PARP4: variants seen among roughly 807,000 people sequenced by gnomAD.
PARP4 encodes the protein protein mono-ADP-ribosyltransferase PARP4.
PARP4 carries 120 observed loss-of-function variants against 187.7 expected under a neutral mutation model. The observed-to-expected ratio is 0.64, with a 90% CI of 0.55 to 0.74. The LOEUF is 0.74. Among genes scored for constraint, PARP4 ranks in the 30% least tolerant of loss-of-function variants. The probability of loss-of-function intolerance (pLI) is 0.00; values close to 1 mark genes in which losing one functional copy is unlikely to be tolerated. For synonymous variants in PARP4, 654 were observed against 740.9 expected, an observed-to-expected ratio of 0.88 and a Z score of 1.90; for missense variants, 1,836 against 2,070.5, an observed-to-expected ratio of 0.89 and a Z score of 2.20.
chr13:24,480,111 G>GT (rs1420364226), intron 12 of PARP4, among the ~76,000 whole-genome samples: 1 of 152,236 alleles, frequency 6.6e-6, no homozygotes, highest in Non-Finnish European at 1.5e-5. Context: ...TTTAGGAACT[G>GT]TAACACTCAC....
rs1201373954 is a variant in PARP4, at chr13:24,501,428, C to T, written c.334+205G>A. On this transcript the variant is annotated intron_variant, in intron 3 of 33. Coordinates refer to ENST00000381989, the MANE Select transcript of PARP4 (RefSeq NM_006437.4). ...GTTTTGTGGCCATTTTGAGTCTGACCCTACTAGGCTAGATATCAAGAAATC... is the reference window on the plus strand; with the variant it reads ...GTTTTGTGGCCATTTTGAGTCTGACTCTACTAGGCTAGATATCAAGAAATC... Among the ~76,000 whole-genome samples the T allele has an allele frequency of 2.0e-5, 3 of 152,128 alleles. No individual in the cohort carries two copies. In the East Asian group the frequency reaches 5.8e-4, roughly 29 times the overall value.
intron 1 of PARP4, among the ~76,000 whole-genome samples, chr13:24,506,547 A>T (rs1339437190): frequency 6.6e-6 from 1 of 152,148 alleles, no homozygotes; most frequent in Non-Finnish European, 1.5e-5. Flanking sequence ...TCCCTGAGCT[A>T]GACACAAGTT....
At chr13:24,486,567 A>C (rs1424435600) in intron 10 of PARP4, among the ~76,000 whole-genome samples, 2 of 152,230 alleles carry the variant, frequency 1.3e-5, no homozygotes, top group Middle Eastern at 6.3e-3. Flanking sequence ...GTATTATCCC[A>C]ATTTTGTCAA....
At chr13:24,458,333 T>G (rs1265580210) in intron 20 of PARP4, among the ~76,000 whole-genome samples, 2 of 151,818 alleles carry the variant, frequency 1.3e-5, no homozygotes, top group East Asian at 3.9e-4. Context: ...ATGGTCTCGA[T>G]CTCCTGACCT....
chr13:24,501,522 TA>T, intron 3 of PARP4, 110 bp downstream of exon 3: 3 of 733,718 alleles, frequency 4.1e-6, no homozygotes, highest in Non-Finnish European at 7.0e-6. Context: ...GTAATAAGTC[TA>T]ATTTTTTTTT....
intron 4 of PARP4, 116 bp downstream of exon 4, chr13:24,500,200 C>A: frequency 2.0e-6 from 1 of 501,418 alleles, no homozygotes; most frequent in South Asian, 4.4e-5. Context: ...GTTAGATATG[C>A]AAAATAAATT....
intron 6 of PARP4, among the ~76,000 whole-genome samples, chr13:24,496,532 G>GCTACA (rs1566019202): frequency 4.6e-5 from 7 of 152,172 alleles, no homozygotes; most frequent in African/African-American, 1.7e-4. Flanking sequence ...TCTGGAACCC[G>GCTACA]AGACAATGCT....
At chr13:24,509,945 C>G (rs752986064) in intron 1 of PARP4, among the ~76,000 whole-genome samples, 33 of 152,124 alleles carry the variant, frequency 2.2e-4, no homozygotes, top group Non-Finnish European at 3.5e-4. Flanking sequence ...AGTGATCTGC[C>G]CACCTCTGCC....
chr13:24,434,461 T>TC lies in PARP4; in HGVS notation c.4679_4680insG (p.Ile1561AsnfsTer39). On this transcript the variant is annotated frameshift_variant, in exon 31 of 34. Transcript: ENST00000381989. LOFTEE classifies it high-confidence loss of function. ...CCTGCCAGTGTTGTATGCACACTAT[T>TC]TCATCCTCTTCTTTTACTTCCAGAA... 1 of 1,610,614 alleles carries TC rather than the reference T, an allele frequency of 6.2e-7. No individual in the cohort carries two copies. The highest frequency in any genetic ancestry group is 8.5e-7 in the Non-Finnish European group (1 of 1,177,674).
In PARP4 at chr13:24,452,427, C is replaced by G. The variant is rs1871570550; in HGVS notation, c.2993G>C (p.Arg998Thr). 1 of 1,613,424 alleles carries G rather than the reference C, an allele frequency of 6.2e-7. No homozygotes were observed. Among genetic ancestry groups the G allele is most frequent in the Non-Finnish European group, 8.5e-7 (1 of 1,179,838 alleles). The change falls in exon 24 of 34, where the codon AGG becomes ACG. Residue 998 changes from arginine to threonine, a missense_variant. Physicochemically the swap from Arg to Thr is moderately conservative, Grantham distance 71 (BLOSUM62 -1). Coordinates refer to ENST00000381989, the MANE Select transcript of PARP4 (RefSeq NM_006437.4). ...TCACCCGATACCGCAGGCGAATAACCTGGTGTGCGGGCGGCTCCTCTTCAC... is the reference window on the plus strand; with the variant it reads ...TCACCCGATACCGCAGGCGAATAACGTGGTGTGCGGGCGGCTCCTCTTCAC... The part of the protein sequence containing the change: ...QLVKRSRPHT[R>T]LFACGIGSTA...
In PARP4 at chr13:24,503,745, A is replaced by T. The variant is rs1869443569; in HGVS notation, c.32T>A (p.Phe11Tyr). 1.9e-6 allele frequency: 3 copies of T among 1,614,028 alleles called. No individual in the cohort carries two copies. Among genetic ancestry groups the T allele is most frequent in the African/African-American group, 2.7e-5 (2 of 74,942 alleles). Residue 11 changes from phenylalanine to tyrosine, a missense_variant, in exon 2 of 34, where the codon TTC (phenylalanine) becomes TAC (tyrosine). Transcript: ENST00000381989. MVMGIFANCI[F>Y]CLKVKYLPQQ... Reference sequence around the variant, plus strand: ...AGGTAAGTACTTCACTTTCAAACAGAAGATACAATTTGCAAAGATTCCCAT... The same window carrying T: ...AGGTAAGTACTTCACTTTCAAACAGTAGATACAATTTGCAAAGATTCCCAT...
At chr13:24,468,131 T>C (rs996754387) in intron 17 of PARP4, among the ~76,000 whole-genome samples, 2 of 152,116 alleles carry the variant, frequency 1.3e-5, no homozygotes, top group African/African-American at 4.8e-5. Flanking sequence ...ATAACTAAAA[T>C]ACCTGCACTA....
intron 33 of PARP4, among the ~76,000 whole-genome samples, chr13:24,424,083 C>T (rs1463609897): frequency 6.6e-6 from 1 of 152,170 alleles, no homozygotes; most frequent in East Asian, 1.9e-4. Flanking sequence ...TCTCAGCCTC[C>T]TAAAGTGCTT....
intron 12 of PARP4, among the ~76,000 whole-genome samples, chr13:24,481,992 C>A (rs537300219): frequency 6.6e-6 from 1 of 152,324 alleles, no homozygotes; most frequent in South Asian, 2.1e-4. Flanking sequence ...CCCTTAAGAG[C>A]ATTTGATGAA....
intron 12 of PARP4, among the ~76,000 whole-genome samples, chr13:24,479,083 T>C (rs1159611976): frequency 6.6e-6 from 1 of 152,180 alleles, no homozygotes; most frequent in African/African-American, 2.4e-5. Context: ...AAATGAGAAA[T>C]GTTGTTTTAT....
At chr13:24,432,436 T>C (rs1471479710) in intron 31 of PARP4, among the ~76,000 whole-genome samples, 2 of 152,214 alleles carry the variant, frequency 1.3e-5, no homozygotes, top group East Asian at 3.9e-4. Context: ...CTTGATGTGT[T>C]TGGAGTTAAA....
intron 30 of PARP4, among the ~76,000 whole-genome samples, chr13:24,436,093 T>C (rs1870625689): frequency 6.6e-6 from 1 of 152,102 alleles, no homozygotes; most frequent in Non-Finnish European, 1.5e-5. Flanking sequence ...ATTGCGGAAT[T>C]TTAAACACCC....
At chr13:24,503,147 G>A (rs1197210917) in intron 2 of PARP4, among the ~76,000 whole-genome samples, 5 of 152,244 alleles carry the variant, frequency 3.3e-5, no homozygotes, top group Non-Finnish European at 5.9e-5. Flanking sequence ...TCAAGAGGCA[G>A]AAGGTAAATT....
At chr13:24,481,377 C>T (rs1231809996) in intron 12 of PARP4, among the ~76,000 whole-genome samples, 1 of 152,206 alleles carries the variant, frequency 6.6e-6, no homozygotes. Context: ...GTAATTTCAG[C>T]TTTCAAGTCT....
Sources: allele counts gnomAD v4.1 joint callset (sites outside exome capture counted in the v4.1 genomes callset), GRCh38; gene constraint gnomAD v4.1.1; transcripts MANE v1.5; gene names NCBI Gene and HGNC (gene_info 2026-07-23, HGNC 2026-07-21).